The following PRKAR2B variants were observed in gnomAD, a reference collection of about 807,000 sequenced individuals.
The protein encoded by PRKAR2B is cAMP-dependent protein kinase type II-beta regulatory subunit.
A neutral mutation model predicts 49.9 loss-of-function variants in PRKAR2B; 14 were observed. The observed-to-expected ratio is 0.28, with a 90% CI of 0.19 to 0.44. The LOEUF (loss-of-function observed/expected upper bound fraction) is 0.44. Ranked by LOEUF, PRKAR2B falls within the 20% of genes least tolerant of loss-of-function variation. The pLI, the probability that PRKAR2B is intolerant of heterozygous loss-of-function variation, is 1.00. For missense variants in PRKAR2B, 393 were observed against 537.9 expected (o/e 0.73, Z 2.67); for synonymous variants, 196 against 197.7 (o/e 0.99, Z 0.07).
intron 1 of PRKAR2B, among the ~76,000 whole-genome samples, chr7:107,066,360 A>C (rs1378132527): frequency 6.6e-6 from 1 of 151,548 alleles, no homozygotes; most frequent in Non-Finnish European, 1.5e-5. Flanking sequence ...CAGAATAAGA[A>C]AATCTAAAGG....
At chr7:107,054,271 G>A (rs990896306) in intron 1 of PRKAR2B, among the ~76,000 whole-genome samples, 4 of 152,206 alleles carry the variant, frequency 2.6e-5, no homozygotes, top group East Asian at 1.9e-4. Context: ...GGAGAATGGC[G>A]TGAACCCGAG....
chr7:107,133,529 A>T (rs1281576006), intron 4 of PRKAR2B: 1 of 152,174 alleles, frequency 6.6e-6, no homozygotes, highest in Non-Finnish European at 1.5e-5. Context: ...GCCTGAGTTG[A>T]TGAACTCATT....
At chr7:107,063,944 C>G (rs767214719) in intron 1 of PRKAR2B, among the ~76,000 whole-genome samples, 20 of 152,186 alleles carry the variant, frequency 1.3e-4, no homozygotes, top group Non-Finnish European at 2.6e-4. Context: ...TAAATCTGCT[C>G]TTTGCATGAA....
At chr7:107,149,571 G>C (rs1562871920) in intron 6 of PRKAR2B, among the ~76,000 whole-genome samples, 1 of 151,934 alleles carries the variant, frequency 6.6e-6, no homozygotes, top group Non-Finnish European at 1.5e-5. Flanking sequence ...ATTCATGAGG[G>C]CTCCAGCCTC....
intron 8 of PRKAR2B, among the ~76,000 whole-genome samples, chr7:107,155,716 A>G (rs913081461): frequency 6.6e-6 from 1 of 151,960 alleles, no homozygotes; most frequent in African/African-American, 2.4e-5. Flanking sequence ...CCACTTTTTA[A>G]TGGCAGAAAT....
intron 4 of PRKAR2B, among the ~76,000 whole-genome samples, chr7:107,136,229 G>A (rs993277589): frequency 6.6e-6 from 1 of 152,124 alleles, no homozygotes; most frequent in African/African-American, 2.4e-5. Flanking sequence ...ATTCCTAGGC[G>A]ATAACATGGG....
Position 107,159,593 on chromosome 7 carries a change from T to C in PRKAR2B, c.*11T>C. On this transcript the variant is annotated 3_prime_UTR_variant, in exon 11 of 11. Coordinates refer to ENST00000265717, the MANE Select transcript of PRKAR2B (RefSeq NM_002736.3). Reference sequence around the variant, plus strand: ...GAACCCACTGCATGAAGCAAAAGTATGGAGCAAGACCTGTAGTGACAAAAT... The same window carrying C: ...GAACCCACTGCATGAAGCAAAAGTACGGAGCAAGACCTGTAGTGACAAAAT... 2 of 1,614,056 alleles carry C rather than the reference T, an allele frequency of 1.2e-6. No homozygotes were observed. Among genetic ancestry groups the C allele is most frequent in the Middle Eastern group, 1.7e-4 (1 of 6,060 alleles).
chr7:107,113,234 C>T (rs1397250413), intron 2 of PRKAR2B, among the ~76,000 whole-genome samples: 4 of 152,150 alleles, frequency 2.6e-5, no homozygotes, highest in African/African-American at 9.7e-5. Context: ...CTATATCATT[C>T]ATTATCAGTT....
chr7:107,079,082 A>T (rs569212400), intron 2 of PRKAR2B, among the ~76,000 whole-genome samples: 1 of 152,202 alleles, frequency 6.6e-6, no homozygotes, highest in Non-Finnish European at 1.5e-5. Flanking sequence ...AGTTAGATCT[A>T]TAAGATAGTA....
At chr7:107,133,537 A>G (rs1795640565) in intron 4 of PRKAR2B, 1 of 152,206 alleles carries the variant, frequency 6.6e-6, no homozygotes, top group Admixed American at 6.5e-5. Flanking sequence ...TGATGAACTC[A>G]TTTGGGTAGA....
intron 3 of PRKAR2B, among the ~76,000 whole-genome samples, chr7:107,124,008 G>C (rs895900452): frequency 6.6e-6 from 1 of 152,134 alleles, no homozygotes; most frequent in Admixed American, 6.6e-5. Flanking sequence ...GATGTAGAAG[G>C]ATATTGGGAA....
At chr7:107,101,135 A>ATTTTTT (rs950761298) in intron 2 of PRKAR2B, among the ~76,000 whole-genome samples, 48 of 94,694 alleles carry the variant, frequency 5.1e-4, no homozygotes, top group African/African-American at 9.3e-4. Flanking sequence ...GTTGTTGCTT[A>ATTTTTT]TTTTTTTTTT....
At chr7:107,074,199 T>C (rs1347370042) in intron 2 of PRKAR2B, among the ~76,000 whole-genome samples, 1 of 152,054 alleles carries the variant, frequency 6.6e-6, no homozygotes. Context: ...CACTGCAACC[T>C]CCACCCTCCC....
intron 1 of PRKAR2B, among the ~76,000 whole-genome samples, chr7:107,061,364 G>C (rs1290555516): frequency 1.3e-5 from 2 of 152,144 alleles, no homozygotes; most frequent in Non-Finnish European, 2.9e-5. Flanking sequence ...TCCTATCCAT[G>C]AACATGATAT....
At chr7:107,150,816 C>T (rs3729879) in intron 6 of PRKAR2B, 106 bp from the exon 7 acceptor site, 5 of 590,114 alleles carry the variant, frequency 8.5e-6, no homozygotes, top group Admixed American at 4.0e-5. Flanking sequence ...TGATGTTAAT[C>T]TTTTATTTCA....
At position 107,044,863 on chromosome 7, in the gene PRKAR2B, AG is replaced by A. The variant is rs1283697103; in HGVS notation, c.-40del. ...CGCGGGGCCCTAGGCCGTGCCGGGG[AG>A]GGGGCGAGGGCGGCGCCCAGGCGCC... is the stretch of plus-strand genomic sequence containing the variant. On this transcript the variant is annotated 5_prime_UTR_variant, in exon 1 of 11. Transcript: ENST00000265717. 2 of 1,516,910 alleles carry A rather than the reference AG, an allele frequency of 1.3e-6. No individual in the cohort carries two copies. Among genetic ancestry groups the A allele is most frequent in the Admixed American group, 4.0e-5 (2 of 50,410 alleles). The allele number at this position is 1,516,910 out of a possible 1,614,324, so 94.0% of individuals were successfully genotyped here.
intron 2 of PRKAR2B, among the ~76,000 whole-genome samples, chr7:107,105,939 A>G (rs1562858812): frequency 1.3e-5 from 2 of 152,044 alleles, no homozygotes; most frequent in Non-Finnish European, 2.9e-5. Context: ...GCCTGTCCCT[A>G]TTTTTGTAAA....
At chr7:107,156,946 G>T (rs1562874304) in intron 8 of PRKAR2B, 38 bp from the exon 9 acceptor site, 5 of 1,530,494 alleles carry the variant, frequency 3.3e-6, no homozygotes, top group Admixed American at 1.7e-5. Flanking sequence ...CAATTAATTT[G>T]CATTTTCACC....
At chr7:107,060,916 T>C (rs1219133270) in intron 1 of PRKAR2B, among the ~76,000 whole-genome samples, 2 of 152,176 alleles carry the variant, frequency 1.3e-5, no homozygotes, top group Non-Finnish European at 2.9e-5. Context: ...GGCTTTAATC[T>C]ATAATTTATT....
Sources: allele counts gnomAD v4.1 joint callset (sites outside exome capture counted in the v4.1 genomes callset), GRCh38; gene constraint gnomAD v4.1.1; transcripts MANE v1.5; gene names NCBI Gene and HGNC (gene_info 2026-07-23, HGNC 2026-07-21).